Variants in ANXA4 observed in about 807,000 individuals in gnomAD.
The protein encoded by ANXA4 is 35-beta calcimedin.
Under a neutral mutation model 49.8 loss-of-function variants are expected in ANXA4, and 39 were observed. The ratio of observed to expected loss-of-function variants is 0.78; its 90% CI spans 0.61 to 1.02. ANXA4 has a LOEUF of 1.02. Among genes scored for constraint, ANXA4 ranks in the 50% least tolerant of loss-of-function variants. The pLI is 0.00. For synonymous variants in ANXA4, 134 were observed against 152.5 expected (o/e 0.88, Z 0.89); for missense variants, 360 against 410.1 (o/e 0.88, Z 1.05).
At chr2:69,801,377 T>C (rs2103791279) in intron 3 of ANXA4, among the ~76,000 whole-genome samples, 1 of 151,866 alleles carries the variant, frequency 6.6e-6, no homozygotes, top group South Asian at 2.1e-4. Flanking sequence ...TGCCAAGGAC[T>C]CTTTTGCCCT....
At chr2:69,762,884 T>A (rs887284858) in intron 1 of ANXA4, among the ~76,000 whole-genome samples, 2 of 151,838 alleles carry the variant, frequency 1.3e-5, no homozygotes, top group Non-Finnish European at 2.9e-5. Flanking sequence ...CACACACTCA[T>A]ACTCACTCAC....
intron 1 of ANXA4, among the ~76,000 whole-genome samples, chr2:69,745,759 G>T (rs781671541): frequency 1.3e-5 from 2 of 152,120 alleles, no homozygotes; most frequent in Non-Finnish European, 2.9e-5. Context: ...TCGAACTCCT[G>T]ACCTCAGATG....
rs948699080 is a variant in ANXA4, at chr2:69,764,769, T to C, written c.-46-16751T>C. Among the ~76,000 whole-genome samples, 24 of 152,252 alleles carry C rather than the reference T, an allele frequency of 1.6e-4. 1 individual carries two copies. Among genetic ancestry groups the C allele is most frequent in the Non-Finnish European group, 2.9e-5 (2 of 68,050 alleles). On this transcript the variant is annotated intron_variant, in intron 1 of 12. Transcript: ENST00000394295. ...GACATTAAGTATATTCACATTGTTT[T>C]GCAACCATCACCACCATCCATTCAC...
intron 2 of ANXA4, among the ~76,000 whole-genome samples, chr2:69,669,332 G>A (rs910843527): frequency 2.6e-5 from 4 of 151,756 alleles, no homozygotes; most frequent in Non-Finnish European, 5.9e-5. Context: ...TCATAAGGCC[G>A]GGCGCAGTGG....
Position 69,753,412 on chromosome 2 carries a change from C to T in ANXA4, c.-47+11237C>T, listed in dbSNP as rs114599522. Among the ~76,000 whole-genome samples, 1,218 of 152,164 alleles carry T rather than the reference C, an allele frequency of 8.0e-3. 18 individuals carry two copies. Among genetic ancestry groups the T allele is most frequent in the African/African-American group, 0.027 (1,134 of 41,520 alleles). ...GATTTCCAGAGTCAAGGGTCCTCAC[C>T]GAAAATCTATATTTTAACTGCTCCC... is the stretch of plus-strand genomic sequence containing the variant. On this transcript the variant is annotated intron_variant, in intron 1 of 12. Coordinates refer to ENST00000394295, the MANE Select transcript of ANXA4 (RefSeq NM_001153.5).
chr2:69,750,736 G>C (rs1230612976), intron 1 of ANXA4, among the ~76,000 whole-genome samples: 3 of 152,210 alleles, frequency 2.0e-5, no homozygotes, highest in Non-Finnish European at 4.4e-5. Flanking sequence ...TAAATGGTCT[G>C]ATTGGTTCCA....
intron 3 of ANXA4, among the ~76,000 whole-genome samples, chr2:69,792,771 G>A (rs2103735673): frequency 6.6e-6 from 1 of 152,194 alleles, no homozygotes; most frequent in South Asian, 2.1e-4. Flanking sequence ...TCAATCACAT[G>A]TTATAATGGT....
At chr2:69,689,256 T>A (rs1264822828) in intron 2 of ANXA4, among the ~76,000 whole-genome samples, 1 of 152,090 alleles carries the variant, frequency 6.6e-6, no homozygotes, top group Non-Finnish European at 1.5e-5. Flanking sequence ...ATCTTACTAA[T>A]TTTTTTATTT....
chr2:69,808,224 A>G (rs1417616502), intron 6 of ANXA4: 5 of 483,992 alleles, frequency 1.0e-5, no homozygotes, highest in Non-Finnish European at 1.9e-5. Context: ...TACCCAGTGC[A>G]GTATTTTATT....
chr2:69,698,654 C>T (rs1347642000), intron 2 of ANXA4, among the ~76,000 whole-genome samples: 24 of 152,072 alleles, frequency 1.6e-4, no homozygotes, highest in Admixed American at 1.6e-3. Flanking sequence ...CAGGACTGTG[C>T]GATGGGCAAG....
chr2:69,770,769 A>G lies in ANXA4; in HGVS notation c.-46-10751A>G, dbSNP rs369656903. ...CGTGCAGACACACACACGTGCAGAC[A>G]CACACATATTGCTAATTTATTTATA... On this transcript the variant is annotated intron_variant, in intron 1 of 12. Transcript: ENST00000394295. Among the ~76,000 whole-genome samples the G allele has an allele frequency of 2.9e-4, 44 of 151,942 alleles. No homozygotes were observed. The South Asian group carries it at 8.7e-3, about 30-fold the overall frequency.
intron 1 of ANXA4, among the ~76,000 whole-genome samples, chr2:69,748,781 G>A (rs1385111336): frequency 2.0e-5 from 3 of 150,850 alleles, no homozygotes; most frequent in Non-Finnish European, 2.9e-5. Flanking sequence ...CATGATCGTG[G>A]CTCACTGCAC....
chr2:69,755,541 G>A (rs548742307), intron 1 of ANXA4, among the ~76,000 whole-genome samples: 2 of 152,142 alleles, frequency 1.3e-5, no homozygotes, highest in South Asian at 2.1e-4. Flanking sequence ...AGCCAGGGAG[G>A]TCAAGGCTGC....
intron 2 of ANXA4, among the ~76,000 whole-genome samples, chr2:69,673,081 T>C (rs1677250468): frequency 6.6e-6 from 1 of 152,112 alleles, no homozygotes; most frequent in Admixed American, 6.5e-5. Context: ...CATAAATTAG[T>C]TCAACCATTG....
intron 2 of ANXA4, among the ~76,000 whole-genome samples, chr2:69,653,634 C>G (rs754289195): frequency 2.0e-5 from 3 of 152,192 alleles, no homozygotes; most frequent in African/African-American, 7.2e-5. Flanking sequence ...TGGAAACTCA[C>G]TTATGATTGG....
At chr2:69,745,626 G>A (rs1670580153) in intron 1 of ANXA4, among the ~76,000 whole-genome samples, 1 of 151,868 alleles carries the variant, frequency 6.6e-6, no homozygotes, top group Admixed American at 6.6e-5. Context: ...TGCCTCCCAG[G>A]TTCAAGCGAT....
chr2:69,823,292 T>G (rs916370732), intron 12 of ANXA4, among the ~76,000 whole-genome samples: 1 of 149,474 alleles, frequency 6.7e-6, no homozygotes, highest in Non-Finnish European at 1.5e-5. Context: ...TAGAAAAGAT[T>G]AAAAATAAAG....
At position 69,819,332 on chromosome 2, in the gene ANXA4, G is replaced by A. The variant is rs778605874; in HGVS notation, c.777G>A (p.Ser259=). The change falls in exon 11 of 13, where the codon TCG becomes TCA. Residue 259 remains serine, a synonymous_variant. Coordinates refer to ENST00000394295, the MANE Select transcript of ANXA4 (RefSeq NM_001153.5). Reference sequence around the variant, plus strand: ...ATTTTGCTGAAAAGCTCTATAAATCGATGAAGGTAAATGGCCTTATTTTCA... The same window carrying A: ...ATTTTGCTGAAAAGCTCTATAAATCAATGAAGGTAAATGGCCTTATTTTCA... ...SAYFAEKLYK[S]MKGLGTDDNT... is the part of the protein sequence containing the mutation. 2.6e-5 allele frequency: 41 copies of A among 1,605,852 alleles called. No homozygotes were observed. The highest frequency in any genetic ancestry group is 1.4e-4 in the South Asian group (13 of 89,958).
rs766975640 is a variant in ANXA4, at chr2:69,649,603, C to CTTTTTTTTTTTTTTTTTT, written n.482-3386_482-3369dup. 8.5e-5 allele frequency among the ~76,000 whole-genome samples: 6 copies of CTTTTTTTTTTTTTTTTTT among 70,656 alleles called. 1 individual carries two copies. The highest frequency in any genetic ancestry group is 1.9e-4 in the African/African-American group (3 of 15,886). The allele number at this position is 70,656 out of a possible 152,430, so 46.4% of individuals were successfully genotyped here. On this transcript the variant is annotated intron_variant and non_coding_transcript_variant, in intron 1 of 3. Transcript: ENST00000418066. ...CTTGTGTGCTTCTTTGATTTTCTTT[C>CTTTTTTTTTTTTTTTTTT]TTTTTTTTTTTTTTTTTTTTTTTTT...
Sources: allele counts gnomAD v4.1 joint callset (sites outside exome capture counted in the v4.1 genomes callset), GRCh38; gene constraint gnomAD v4.1.1; transcripts MANE v1.5; gene names NCBI Gene and HGNC (gene_info 2026-07-23, HGNC 2026-07-21).